The following HS6ST2 variants were observed in gnomAD, a reference collection of about 807,000 sequenced individuals.
The protein encoded by HS6ST2 is heparan sulfate 6-O-sulfotransferase 2.
A neutral mutation model predicts 33.0 loss-of-function variants in HS6ST2; 17 were observed. The ratio of observed to expected loss-of-function variants is 0.52; its 90% CI spans 0.35 to 0.77. The LOEUF is 0.77. HS6ST2 is among the 30% of genes least tolerant of loss of function. The probability of loss-of-function intolerance (pLI) is 0.01; values close to 1 mark genes in which losing one functional copy is unlikely to be tolerated. For synonymous variants in HS6ST2, 248 were observed against 237.1 expected (o/e 1.05, Z -0.42); for missense variants, 519 against 551.7 (o/e 0.94, Z 0.59).
chrX:132,924,665 C>A (rs1337045468), intron 2 of HS6ST2, among the ~76,000 whole-genome samples: 1 of 110,750 alleles, frequency 9.0e-6, no homozygotes, highest in Non-Finnish European at 1.9e-5. Flanking sequence ...ACCAGCCCCA[C>A]CACCTCTAGG....
At chrX:132,870,023 G>A (rs974804200) in intron 2 of HS6ST2, among the ~76,000 whole-genome samples, 2 of 111,281 alleles carry the variant, frequency 1.8e-5, no homozygotes, top group African/African-American at 6.5e-5. Flanking sequence ...AAACCCCATC[G>A]TCTCAGCCCA....
chrX:132,773,409 A>G (rs1208360717), intron 2 of HS6ST2, among the ~76,000 whole-genome samples: 1 of 109,312 alleles, frequency 9.1e-6, no homozygotes, highest in Non-Finnish European at 1.9e-5. Context: ...TTTGCAATAC[A>G]GTCTGACAGT....
At chrX:132,637,797 TA>T (rs1480047997) in intron 4 of HS6ST2, among the ~76,000 whole-genome samples, 3 of 45,980 alleles carry the variant, frequency 6.5e-5, no homozygotes, top group Middle Eastern at 0.011. Context: ...TTTATATATA[TA>T]ATATTATATA....
chrX:132,720,337 C>T (rs976883275), intron 2 of HS6ST2, among the ~76,000 whole-genome samples: 9 of 111,141 alleles, frequency 8.1e-5, no homozygotes, highest in African/African-American at 9.8e-5. Flanking sequence ...TTGTGTAAAT[C>T]GAATCCTAGT....
intron 2 of HS6ST2, among the ~76,000 whole-genome samples, chrX:132,879,898 G>A (rs765698173): frequency 2.9e-4 from 32 of 111,362 alleles, no homozygotes; most frequent in Non-Finnish European, 1.5e-4. Flanking sequence ...CACCTACAAC[G>A]TCATCACTAT....
At chrX:132,839,600 A>G (rs2065688431) in intron 2 of HS6ST2, among the ~76,000 whole-genome samples, 1 of 109,977 alleles carries the variant, frequency 9.1e-6, no homozygotes, top group Non-Finnish European at 1.9e-5. Flanking sequence ...GATACAGTGT[A>G]CATCATTCCA....
intron 4 of HS6ST2, among the ~76,000 whole-genome samples, chrX:132,656,881 A>T (rs1361627582): frequency 8.9e-6 from 1 of 111,865 alleles, no homozygotes; most frequent in Non-Finnish European, 1.9e-5. Context: ...CTCAGAACCC[A>T]AGGGCTGTAC....
At chrX:132,861,506 C>T (rs1173610213) in intron 2 of HS6ST2, among the ~76,000 whole-genome samples, 2 of 112,517 alleles carry the variant, frequency 1.8e-5, no homozygotes, top group African/African-American at 6.5e-5. Context: ...AAATTTGCTT[C>T]CTAAATCAGA....
intron 3 of HS6ST2, chrX:132,669,818 C>T (rs754313808): frequency 2.5e-4 from 28 of 112,516 alleles, no homozygotes; most frequent in South Asian, 1.5e-3. Flanking sequence ...GAAACAATTA[C>T]GAAATAAATC....
At chrX:132,652,658 G>T (rs1204360195) in intron 4 of HS6ST2, among the ~76,000 whole-genome samples, 1 of 110,988 alleles carries the variant, frequency 9.0e-6, no homozygotes, top group Non-Finnish European at 1.9e-5. Flanking sequence ...TTAATACAAA[G>T]ATTATATAAT....
chrX:132,955,748 C>T (rs1361510916), intron 2 of HS6ST2, among the ~76,000 whole-genome samples: 1 of 112,173 alleles, frequency 8.9e-6, no homozygotes, highest in Non-Finnish European at 1.9e-5. Flanking sequence ...ACTCACTTCC[C>T]CCACCCCACC....
chrX:132,653,104 G>A (rs763161777), intron 4 of HS6ST2, among the ~76,000 whole-genome samples: 2 of 111,789 alleles, frequency 1.8e-5, no homozygotes, highest in Admixed American at 9.5e-5. Flanking sequence ...TTAAGATGAG[G>A]ATCATTAATC....
At chrX:132,672,248 G>A (rs1385161897) in intron 3 of HS6ST2, among the ~76,000 whole-genome samples, 1 of 98,766 alleles carries the variant, frequency 1.0e-5, no homozygotes, top group Non-Finnish European at 2.0e-5. Context: ...GGATTTACAA[G>A]AATAAATCCA....
intron 2 of HS6ST2, among the ~76,000 whole-genome samples, chrX:132,920,606 A>G (rs1389348193): frequency 8.9e-6 from 1 of 112,687 alleles, no homozygotes. Flanking sequence ...TTTAAAAGAA[A>G]AAAAACAGTG....
intron 2 of HS6ST2, among the ~76,000 whole-genome samples, chrX:132,910,413 G>A (rs1374418534): frequency 9.0e-6 from 1 of 111,400 alleles, no homozygotes; most frequent in Non-Finnish European, 1.9e-5. Context: ...AGGGAGGCGA[G>A]GAACAAGAAG....
intron 3 of HS6ST2, chrX:132,669,508 T>A (rs1041238638): frequency 6.3e-5 from 10 of 158,075 alleles, no homozygotes; most frequent in South Asian, 7.0e-4. Context: ...CCTCTAGTTT[T>A]AAAAAAAAAA....
chrX:132,937,860 A>G (rs1391375133), intron 2 of HS6ST2, among the ~76,000 whole-genome samples: 1 of 111,266 alleles, frequency 9.0e-6, no homozygotes, highest in Non-Finnish European at 1.9e-5. Flanking sequence ...AATGTAAAAC[A>G]CTATATCAAT....
At chrX:132,652,137 G>A (rs1186316908) in intron 4 of HS6ST2, among the ~76,000 whole-genome samples, 2 of 111,569 alleles carry the variant, frequency 1.8e-5, no homozygotes, top group Admixed American at 1.9e-4. Flanking sequence ...GGCTCTGCAG[G>A]CACAAGCCAG....
At chrX:132,859,237 A>G (rs1247752659) in intron 2 of HS6ST2, among the ~76,000 whole-genome samples, 2 of 111,471 alleles carry the variant, frequency 1.8e-5, no homozygotes, top group Non-Finnish European at 3.8e-5. Context: ...TTCCAAAGAA[A>G]ACCAAAGCAG....
Sources: gnomAD v4.1 joint callset for allele counts (sites outside exome capture counted in the v4.1 genomes callset) on GRCh38, gnomAD v4.1.1 for gene constraint, MANE v1.5 for transcripts, NCBI Gene and HGNC (gene_info 2026-07-23, HGNC 2026-07-21) for gene names.